Variants in PPP2R3A observed in about 807,000 individuals in gnomAD.
PPP2R3A encodes the protein protein phosphatase 2 regulatory subunit B''alpha, also known as serine/threonine-protein phosphatase 2A regulatory subunit B'' subunit alpha.
A neutral mutation model predicts 106.9 loss-of-function variants in PPP2R3A; 80 were observed. The ratio of observed to expected loss-of-function variants is 0.75; its 90% CI spans 0.62 to 0.90. PPP2R3A has a LOEUF of 0.90. PPP2R3A is among the 40% of genes least tolerant of loss of function. PPP2R3A has a pLI of 0.00. For missense variants in PPP2R3A, 1,386 were observed against 1,350.4 expected, an observed-to-expected ratio of 1.03 and a Z score of -0.41; for synonymous variants, 483 against 468.3, an observed-to-expected ratio of 1.03 and a Z score of -0.41.
At chr3:136,068,771 TTACAG>T (rs1936339468) in intron 5 of PPP2R3A, among the ~76,000 whole-genome samples, 1 of 150,536 alleles carries the variant, frequency 6.6e-6, no homozygotes, top group Non-Finnish European at 1.5e-5. Context: ...AATAGCAACT[TTACAG>T]TGGAGAACGC....
chr3:136,032,502 T>C (rs949795142), intron 3 of PPP2R3A, among the ~76,000 whole-genome samples: 1 of 151,390 alleles, frequency 6.6e-6, no homozygotes, highest in Non-Finnish European at 1.5e-5. Context: ...TTTCTCTTTT[T>C]TTTTTTAATT....
At chr3:136,040,818 A>C in intron 3 of PPP2R3A, 41 bp from the exon 4 acceptor site, 2 of 1,507,826 alleles carry the variant, frequency 1.3e-6, no homozygotes, top group African/African-American at 1.7e-5. Flanking sequence ...TCATCTCTTC[A>C]TTCCCTGTTG....
chr3:136,037,555 C>G (rs2107840288), intron 3 of PPP2R3A, among the ~76,000 whole-genome samples: 1 of 152,286 alleles, frequency 6.6e-6, no homozygotes, highest in African/African-American at 2.4e-5. Context: ...CCATCTTTAC[C>G]CATCACACCT....
At position 136,003,187 on chromosome 3, in the gene PPP2R3A, C is replaced by T. The variant is rs1217684060; in HGVS notation, c.1689C>T (p.Pro563=). ...AGCCTAAATCTAAAGTCTCTTCACC[C>T]ATAGAAAAAGTCTCACCTTCCTGTC... is the stretch of plus-strand genomic sequence containing the variant. ...DLEPKSKVSS[P]IEKVSPSCLT... is the part of the protein sequence containing the mutation. The change falls in exon 2 of 14, where the codon CCC becomes CCT. Residue 563 remains proline (P), a synonymous_variant. Coordinates refer to ENST00000264977, the MANE Select transcript of PPP2R3A (RefSeq NM_002718.5). 2 of 1,613,780 alleles carry T rather than the reference C, an allele frequency of 1.2e-6. No individual in the cohort carries two copies. The highest frequency in any genetic ancestry group is 1.7e-6 in the Non-Finnish European group (2 of 1,179,758).
At chr3:136,072,755 TAAACTAGTCC>T (rs1268003084) in intron 6 of PPP2R3A, among the ~76,000 whole-genome samples, 2 of 152,240 alleles carry the variant, frequency 1.3e-5, no homozygotes, top group Admixed American at 6.5e-5. Flanking sequence ...CTGTTGGAAT[TAAACTAGTCC>T]AAACTGTTGG....
intron 1 of PPP2R3A, among the ~76,000 whole-genome samples, chr3:135,978,383 A>G (rs765493001): frequency 2.0e-5 from 3 of 151,952 alleles, no homozygotes; most frequent in East Asian, 1.9e-4. Context: ...TGAATTGTCA[A>G]TTGAAAGACC....
intron 13 of PPP2R3A, among the ~76,000 whole-genome samples, chr3:136,122,927 T>C (rs1406140358): frequency 6.6e-6 from 1 of 152,180 alleles, no homozygotes; most frequent in Non-Finnish European, 1.5e-5. Flanking sequence ...AATTGATTCT[T>C]TGAAGGCATC....
At chr3:136,088,618 G>A (rs866389584) in intron 9 of PPP2R3A, among the ~76,000 whole-genome samples, 59 of 152,268 alleles carry the variant, frequency 3.9e-4, no homozygotes, top group African/African-American at 1.3e-3. Flanking sequence ...ACCCAGTAAT[G>A]GGATTGCTGG....
chr3:136,050,835 A>T (rs913599650), intron 5 of PPP2R3A, among the ~76,000 whole-genome samples: 1 of 152,054 alleles, frequency 6.6e-6, no homozygotes, highest in African/African-American at 2.4e-5. Flanking sequence ...AGTAGGGGTG[A>T]GCTCCCTACT....
intron 3 of PPP2R3A, among the ~76,000 whole-genome samples, chr3:136,035,464 C>G (rs183994091): frequency 7.0e-4 from 107 of 152,204 alleles, no homozygotes; most frequent in African/African-American, 2.5e-3. Context: ...CGGAAAAAGA[C>G]TATCTTTTCT....
rs1245535077 is a variant in PPP2R3A at position 136,106,255 on chromosome 3, C to T, written c.3262C>T (p.Arg1088Trp). ...TGGGCCTGAGCCCTCAGACTGGGAC[C>T]GGTTTGCCGCTGAGGAGTATGAGAC... ...NDGPEPSDWD[R>W]FAAEEYETLV... Residue 1088 changes from arginine (R) to tryptophan (W), a missense_variant, in exon 13 of 14, where the codon CGG (arginine) becomes TGG (tryptophan). Physicochemically the swap from Arg to Trp is moderately radical, Grantham distance 101 (BLOSUM62 -3). Coordinates refer to ENST00000264977, the MANE Select transcript of PPP2R3A (RefSeq NM_002718.5). The T allele has an allele frequency of 7.4e-6, 12 of 1,610,846 alleles. No homozygotes were observed. In the East Asian group the frequency reaches 8.9e-5, roughly 12 times the overall value.
At chr3:136,042,955 G>A (rs553780933) in intron 4 of PPP2R3A, among the ~76,000 whole-genome samples, 1 of 147,548 alleles carries the variant, frequency 6.8e-6, no homozygotes, top group African/African-American at 2.5e-5. Flanking sequence ...TGGAGAAGAC[G>A]TGTTTAGTTT....
chr3:136,081,558 A>G (rs1005360539), intron 7 of PPP2R3A, among the ~76,000 whole-genome samples: 5 of 151,918 alleles, frequency 3.3e-5, no homozygotes, highest in Admixed American at 2.0e-4. Flanking sequence ...ATTTTTTTAT[A>G]TTTCTTACAT....
chr3:136,139,810 C>G (rs1205341089), intron 13 of PPP2R3A, among the ~76,000 whole-genome samples: 1 of 151,438 alleles, frequency 6.6e-6, no homozygotes, highest in Non-Finnish European at 1.5e-5. Context: ...TCAAGACTAG[C>G]CTGGCCAACA....
At chr3:135,992,364 A>G (rs756624130) in intron 1 of PPP2R3A, among the ~76,000 whole-genome samples, 7 of 152,176 alleles carry the variant, frequency 4.6e-5, no homozygotes, top group Non-Finnish European at 1.0e-4. Context: ...TCTTCAAGTG[A>G]TCCACCTAAG....
At chr3:136,144,095 A>T (rs1340083330) in intron 13 of PPP2R3A, among the ~76,000 whole-genome samples, 1 of 152,224 alleles carries the variant, frequency 6.6e-6, no homozygotes, top group African/African-American at 2.4e-5. Context: ...ATCATTTCCA[A>T]GAGAAAATAT....
At chr3:135,987,723 T>C (rs1442937068) in intron 1 of PPP2R3A, among the ~76,000 whole-genome samples, 1 of 151,102 alleles carries the variant, frequency 6.6e-6, no homozygotes, top group Non-Finnish European at 1.5e-5. Flanking sequence ...TGGTTCTTCT[T>C]CAATTCGCCA....
At chr3:136,117,183 A>G (rs1445066647) in intron 13 of PPP2R3A, among the ~76,000 whole-genome samples, 2 of 152,236 alleles carry the variant, frequency 1.3e-5, no homozygotes, top group African/African-American at 4.8e-5. Flanking sequence ...TGTTCTTTGA[A>G]ACCAATGAGA....
chr3:135,971,005 T>G (rs556513305), intron 1 of PPP2R3A, among the ~76,000 whole-genome samples: 1 of 152,286 alleles, frequency 6.6e-6, no homozygotes, highest in South Asian at 2.1e-4. Context: ...GACCCTGACA[T>G]CATCCTCCCA....
Sources: allele counts gnomAD v4.1 joint callset (sites outside exome capture counted in the v4.1 genomes callset), GRCh38; gene constraint gnomAD v4.1.1; transcripts MANE v1.5; gene names NCBI Gene and HGNC (gene_info 2026-07-23, HGNC 2026-07-21).